Variants in SCGB2A2 observed in about 807,000 individuals in gnomAD.
SCGB2A2 encodes the protein mammaglobin-A.
Under a neutral mutation model 8.8 loss-of-function variants are expected in SCGB2A2, and 11 were observed. That is an observed-to-expected ratio of 1.25 (90% confidence interval 0.79 to 2.07). The LOEUF (loss-of-function observed/expected upper bound fraction) is 2.07. Ranked by LOEUF, SCGB2A2 falls within the 30% of genes most tolerant of loss-of-function variation. SCGB2A2 has a pLI of 0.00. For missense variants in SCGB2A2, 113 were observed against 109.9 expected, an observed-to-expected ratio of 1.03 and a Z score of -0.13; for synonymous variants, 42 against 40.9, an observed-to-expected ratio of 1.03 and a Z score of -0.10.
At chr11:62,272,616 A>G (rs894712488) in intron 2 of SCGB2A2, among the ~76,000 whole-genome samples, 11 of 146,568 alleles carry the variant, frequency 7.5e-5, no homozygotes, top group African/African-American at 2.0e-4. Flanking sequence ...TATTTCCACA[A>G]TGGAGGGTTA....
Position 62,270,868 on chromosome 11 carries a change from G to A in SCGB2A2, c.56-13G>A. On this transcript the variant is annotated splice_polypyrimidine_tract_variant and intron_variant, in intron 1 of 2. Transcript: ENST00000227918. ...TTCTGTACCAAGCTTGTTTCCTTGT[G>A]CATCCTTCCCAGGCTCTGGCTGCCC... The A allele has an allele frequency of 1.2e-6, 2 of 1,611,284 alleles. No individual in the cohort carries two copies. The highest frequency in any genetic ancestry group is 1.7e-6 in the Non-Finnish European group (2 of 1,177,988).
chr11:62,271,504 C>A (rs1307197752), intron 2 of SCGB2A2: 2 of 1,217,670 alleles, frequency 1.6e-6, no homozygotes, highest in Non-Finnish European at 2.1e-6. Flanking sequence ...AAGACACAGA[C>A]ACAGACACAG....
At chr11:62,271,174 T>C (rs376342209) in intron 2 of SCGB2A2, 106 bp downstream of exon 2, 2 of 1,599,704 alleles carry the variant, frequency 1.3e-6, no homozygotes. Context: ...ACAAGCCTTT[T>C]CTTACATTGG....
At position 62,272,979 on chromosome 11, in the gene SCGB2A2, T is replaced by C; in HGVS notation, c.266T>C (p.Leu89Pro). 1.8e-5 allele frequency: 29 copies of C among 1,609,026 alleles called. No individual in the cohort carries two copies. Among genetic ancestry groups the C allele is most frequent in the Non-Finnish European group, 2.4e-5 (28 of 1,177,748 alleles). The change falls in exon 3 of 3, where the codon CTT (leucine) becomes CCT (proline). Residue 89 changes from leucine to proline, a missense_variant. By Grantham distance (98) the Leu-to-Pro change is moderately conservative (BLOSUM62 -3). Coordinates refer to ENST00000227918, the MANE Select transcript of SCGB2A2 (RefSeq NM_002411.4). ...VFMQLIYDSS[L>P]CDLF The stretch of plus-strand genomic sequence containing the variant: ...TAGCAATTAATATATGACAGCAGTC[T>C]TTGTGATTTATTTTAACTTTCTGCA...
rs1018811650 is a variant in SCGB2A2, at chr11:62,273,055, T to C, written c.*60T>C. ...GGTATGGTGAGAAACCAACTACGGA[T>C]TGCTGCAAACCACACCTTCTCTTTC... On this transcript the variant is annotated 3_prime_UTR_variant, in exon 3 of 3. Coordinates refer to ENST00000227918, the MANE Select transcript of SCGB2A2 (RefSeq NM_002411.4). The C allele has an allele frequency of 3.1e-6, 4 of 1,275,254 alleles. No individual in the cohort carries two copies. Among genetic ancestry groups the C allele is most frequent in the African/African-American group, 3.0e-5 (2 of 67,388 alleles). The allele number at this position is 1,275,254 out of a possible 1,614,324, so 79.0% of individuals were successfully genotyped here.
At chr11:62,271,362 C>T in intron 2 of SCGB2A2, 1 of 1,435,408 alleles carries the variant, frequency 7.0e-7, no homozygotes, top group Non-Finnish European at 9.1e-7. Context: ...TTCATGCTCA[C>T]AAACACAGAC....
In SCGB2A2 at chr11:62,270,958, C is replaced by A. The variant is rs781489958; in HGVS notation, c.133C>A (p.Leu45Ile). Residue 45 changes from leucine to isoleucine, a missense_variant, in exon 2 of 3, where the codon CTT becomes ATT. Coordinates refer to ENST00000227918, the MANE Select transcript of SCGB2A2 (RefSeq NM_002411.4). ...PQVSKTEYKE[L>I]LQEFIDDNAT... ...AGTGTCTAAGACTGAATACAAAGAA[C>A]TTCTTCAAGAGTTCATAGACGACAA... 2 of 1,614,120 alleles carry A rather than the reference C, an allele frequency of 1.2e-6. No homozygotes were observed. The highest frequency in any genetic ancestry group is 8.5e-7 in the Non-Finnish European group (1 of 1,179,980).
intron 1 of SCGB2A2, 113 bp downstream of exon 1, chr11:62,270,384 G>A: frequency 5.0e-6 from 5 of 999,862 alleles, no homozygotes; most frequent in Admixed American, 3.6e-5. Flanking sequence ...TACAAAGGCT[G>A]TAGGTATAAC....
intron 2 of SCGB2A2, chr11:62,271,364 AAC>A: frequency 7.0e-7 from 1 of 1,435,150 alleles, no homozygotes; most frequent in African/African-American, 1.4e-5. Context: ...CATGCTCACA[AAC>A]ACAGACACAA....
intron 1 of SCGB2A2, 146 bp from the exon 2 acceptor site, chr11:62,270,735 T>C: frequency 1.5e-6 from 1 of 654,484 alleles, no homozygotes; most frequent in Non-Finnish European, 2.6e-6. Context: ...TGAGGTTTTC[T>C]CCCAGATTTG....
At chr11:62,272,647 C>CTTTTTT (rs71886885) in intron 2 of SCGB2A2, among the ~76,000 whole-genome samples, 26 of 94,422 alleles carry the variant, frequency 2.8e-4, no homozygotes, top group East Asian at 6.7e-4. Flanking sequence ...CAAAGTTTCA[C>CTTTTTT]TTTTTTTTTT....
At chr11:62,272,909 T>C in intron 2 of SCGB2A2, 48 bp from the exon 3 acceptor site, 1 of 1,394,056 alleles carries the variant, frequency 7.2e-7, no homozygotes, top group Non-Finnish European at 1.0e-6. Flanking sequence ...TTTTATTTTG[T>C]TAGAGAGTGC....
chr11:62,271,127 C>G, intron 2 of SCGB2A2, 59 bp downstream of exon 2: 3 of 1,611,686 alleles, frequency 1.9e-6, no homozygotes, highest in Non-Finnish European at 2.5e-6. Flanking sequence ...CAAGTGGGCT[C>G]TTCATTTCTC....
Position 62,270,967 on chromosome 11 carries a change from G to T in SCGB2A2, c.142G>T (p.Glu48Ter). The T allele has an allele frequency of 6.2e-7, 1 of 1,614,080 alleles. No homozygotes were observed. Among genetic ancestry groups the T allele is most frequent in the South Asian group, 1.1e-5 (1 of 91,082 alleles). The change falls in exon 2 of 3, where the codon GAG becomes TAG. Residue 48 changes from glutamate (E) to a stop codon, truncating the protein, a stop_gained. Transcript: ENST00000227918. LOFTEE classifies it high-confidence loss of function. Reference protein sequence around the residue: ...SKTEYKELLQEFIDDNATTNA... With the variant: ...SKTEYKELLQ ...GACTGAATACAAAGAACTTCTTCAAGAGTTCATAGACGACAATGCCACTAC... is the reference window on the plus strand; with the variant it reads ...GACTGAATACAAAGAACTTCTTCAATAGTTCATAGACGACAATGCCACTAC...
intron 2 of SCGB2A2, among the ~76,000 whole-genome samples, chr11:62,272,721 G>A (rs944117693): frequency 6.4e-5 from 9 of 140,608 alleles, no homozygotes; most frequent in Non-Finnish European, 1.4e-4. Context: ...ATATAGTCAC[G>A]TATTTGTTGA....
chr11:62,271,263 A>G, intron 2 of SCGB2A2, 195 bp downstream of exon 2: 1 of 1,472,182 alleles, frequency 6.8e-7, no homozygotes, highest in East Asian at 2.5e-5. Flanking sequence ...CACTCTACCC[A>G]GAGAATCCTC....
At chr11:62,271,125 C>T (rs1236198097) in intron 2 of SCGB2A2, 57 bp downstream of exon 2, 2 of 1,611,560 alleles carry the variant, frequency 1.2e-6, no homozygotes, top group Admixed American at 1.7e-5. Context: ...GACAAGTGGG[C>T]TCTTCATTTC....
intron 2 of SCGB2A2, chr11:62,271,304 G>T: frequency 1.4e-6 from 2 of 1,444,120 alleles, no homozygotes; most frequent in Non-Finnish European, 1.8e-6. Context: ...GGCAAGAGAG[G>T]AAAAGGAAAG....
chr11:62,270,580 C>T (rs1411359815), intron 1 of SCGB2A2, among the ~76,000 whole-genome samples: 1 of 152,174 alleles, frequency 6.6e-6, no homozygotes, highest in Admixed American at 6.5e-5. Flanking sequence ...CCAAAGAAGA[C>T]CAAATAATCT....
Sources: allele counts gnomAD v4.1 joint callset (sites outside exome capture counted in the v4.1 genomes callset), GRCh38; gene constraint gnomAD v4.1.1; transcripts MANE v1.5; gene names NCBI Gene and HGNC (gene_info 2026-07-23, HGNC 2026-07-21).